The following ANGPT1 variants were observed in gnomAD, a reference collection of about 807,000 sequenced individuals.
ANGPT1 encodes the protein angiopoietin 1, also known as angiopoietin-1.
A neutral mutation model predicts 62.2 loss-of-function variants in ANGPT1; 17 were observed. That is an observed-to-expected ratio of 0.27 (90% confidence interval 0.19 to 0.41). ANGPT1 has a LOEUF of 0.41. Ranked by LOEUF, ANGPT1 falls within the 10% of genes least tolerant of loss-of-function variation. The probability of loss-of-function intolerance (pLI) is 1.00; values close to 1 mark genes in which losing one functional copy is unlikely to be tolerated. For missense variants in ANGPT1, 478 were observed against 594.9 expected, an observed-to-expected ratio of 0.80 and a Z score of 2.04; for synonymous variants, 199 against 198.9, an observed-to-expected ratio of 1.00 and a Z score of 0.00.
At chr8:107,344,955 G>A (rs1815771309) in intron 2 of ANGPT1, among the ~76,000 whole-genome samples, 1 of 152,204 alleles carries the variant, frequency 6.6e-6, no homozygotes, top group African/African-American at 2.4e-5. Context: ...AACATGTCCT[G>A]TTGCAATAGT....
chr8:107,449,764 G>C (rs1174406111), intron 1 of ANGPT1, among the ~76,000 whole-genome samples: 1 of 151,968 alleles, frequency 6.6e-6, no homozygotes, highest in East Asian at 1.9e-4. Context: ...TTTGTGCAAA[G>C]AACCCGTCTT....
chr8:107,319,333 T>C (rs1040222625), intron 4 of ANGPT1, among the ~76,000 whole-genome samples: 2 of 152,070 alleles, frequency 1.3e-5, no homozygotes, highest in Non-Finnish European at 2.9e-5. Context: ...TCTCCACAGA[T>C]TAGTGGGTCA....
chr8:107,305,976 T>A (rs1362672805), intron 4 of ANGPT1, among the ~76,000 whole-genome samples: 1 of 152,072 alleles, frequency 6.6e-6, no homozygotes, highest in Non-Finnish European at 1.5e-5. Flanking sequence ...AAGGGTAGAT[T>A]GACCTTTAGA....
chr8:107,253,718 C>T (rs779767903), intron 8 of ANGPT1, among the ~76,000 whole-genome samples: 4 of 152,124 alleles, frequency 2.6e-5, no homozygotes, highest in Non-Finnish European at 4.4e-5. Flanking sequence ...CAGAGGAGTG[C>T]GGAAAGACAG....
chr8:107,400,561 CTTTT>C (rs781428137), intron 1 of ANGPT1, among the ~76,000 whole-genome samples: 1 of 142,502 alleles, frequency 7.0e-6, no homozygotes, highest in African/African-American at 2.6e-5. Flanking sequence ...ACATTTCTTT[CTTTT>C]TTTTTTTTTT....
At chr8:107,370,700 C>T (rs1169083302) in intron 1 of ANGPT1, among the ~76,000 whole-genome samples, 50 of 75,558 alleles carry the variant, frequency 6.6e-4, no homozygotes, top group South Asian at 1.8e-3. Flanking sequence ...AAGACTCTGT[C>T]AAAAAAAAAA....
chr8:107,401,607 T>C (rs906053588), intron 1 of ANGPT1, among the ~76,000 whole-genome samples: 9 of 152,224 alleles, frequency 5.9e-5, no homozygotes, highest in African/African-American at 2.2e-4. Context: ...TGATAGGCAT[T>C]AGCCAAAGAG....
chr8:107,364,541 A>G (rs1301747221), intron 1 of ANGPT1, among the ~76,000 whole-genome samples: 1 of 152,184 alleles, frequency 6.6e-6, no homozygotes, highest in African/African-American at 2.4e-5. Context: ...TTGGCCTCCC[A>G]AAGTGCTGAG....
At chr8:107,297,752 C>CATATATAT (rs34606952) in intron 5 of ANGPT1, among the ~76,000 whole-genome samples, 2 of 146,292 alleles carry the variant, frequency 1.4e-5, no homozygotes, top group African/African-American at 5.0e-5. Context: ...ATTATGTATG[C>CATATATAT]ATATATATAT....
At chr8:107,457,362 C>G (rs750499696) in intron 1 of ANGPT1, among the ~76,000 whole-genome samples, 8 of 151,948 alleles carry the variant, frequency 5.3e-5, no homozygotes, top group Admixed American at 1.3e-4. Flanking sequence ...TAATAGCCAA[C>G]AAAAGTATCC....
chr8:107,387,695 A>G (rs933369252), intron 1 of ANGPT1, among the ~76,000 whole-genome samples: 1 of 152,040 alleles, frequency 6.6e-6, no homozygotes, highest in African/African-American at 2.4e-5. Flanking sequence ...TGACAGAGAA[A>G]AAAATGGTAG....
chr8:107,302,720 C>T (rs1252409199), intron 5 of ANGPT1, among the ~76,000 whole-genome samples: 4 of 151,872 alleles, frequency 2.6e-5, no homozygotes, highest in African/African-American at 9.7e-5. Context: ...CTGATGAATC[C>T]GATCCTCCAA....
chr8:107,257,017 T>C (rs1046529642), intron 8 of ANGPT1, among the ~76,000 whole-genome samples: 38 of 152,044 alleles, frequency 2.5e-4, no homozygotes, highest in African/African-American at 8.7e-4. Flanking sequence ...CTACCACGCC[T>C]GGCTAATTTT....
intron 4 of ANGPT1, among the ~76,000 whole-genome samples, chr8:107,305,938 A>G (rs1306424004): frequency 6.6e-6 from 1 of 152,048 alleles, no homozygotes; most frequent in African/African-American, 2.4e-5. Flanking sequence ...TTTATTATAT[A>G]CTACGGTTTG....
chr8:107,310,856 T>C lies in ANGPT1; in HGVS notation c.809-7489A>G, dbSNP rs1283794759. On this transcript the variant is annotated intron_variant, in intron 4 of 8. Coordinates refer to ENST00000517746, the MANE Select transcript of ANGPT1 (RefSeq NM_001146.5). Reference sequence around the variant, plus strand: ...GTCTCCCAGCCTACGGACTATTTGCTAGAAGCTTCAAAGACAGAGAGGATA... The same window carrying C: ...GTCTCCCAGCCTACGGACTATTTGCCAGAAGCTTCAAAGACAGAGAGGATA... Among the ~76,000 whole-genome samples the C allele has an allele frequency of 2.6e-5, 4 of 152,264 alleles. No individual in the cohort carries two copies. The East Asian group carries it at 7.7e-4, about 29-fold the overall frequency.
intron 1 of ANGPT1, among the ~76,000 whole-genome samples, chr8:107,450,843 T>C (rs898205036): frequency 5.9e-5 from 9 of 151,688 alleles, no homozygotes; most frequent in Admixed American, 4.6e-4. Flanking sequence ...GAGTACTTAC[T>C]CTGTGCTTGA....
chr8:107,407,490 A>G (rs1817173457), intron 1 of ANGPT1, among the ~76,000 whole-genome samples: 1 of 152,146 alleles, frequency 6.6e-6, no homozygotes. Context: ...GGGGATGGAA[A>G]TGTTGTGCTT....
chr8:107,323,176 T>TA (rs1271747712), intron 3 of ANGPT1, among the ~76,000 whole-genome samples: 1 of 152,128 alleles, frequency 6.6e-6, no homozygotes, highest in Non-Finnish European at 1.5e-5. Flanking sequence ...TTAAAAATGA[T>TA]AGAGAAAGCA....
intron 3 of ANGPT1, among the ~76,000 whole-genome samples, chr8:107,329,813 C>T (rs949710451): frequency 1.1e-4 from 16 of 151,618 alleles, no homozygotes; most frequent in African/African-American, 3.9e-4. Context: ...AAATTGTGCC[C>T]GGGAGCAGGA....
Sources: allele counts gnomAD v4.1 joint callset (sites outside exome capture counted in the v4.1 genomes callset), GRCh38; gene constraint gnomAD v4.1.1; transcripts MANE v1.5; gene names NCBI Gene and HGNC (gene_info 2026-07-23, HGNC 2026-07-21).